OR4P4: variants seen among roughly 807,000 people sequenced by gnomAD.
The protein encoded by OR4P4 is olfactory receptor 4P4.
A neutral mutation model predicts 2.1 loss-of-function variants in OR4P4; 1 was observed. The ratio of observed to expected loss-of-function variants is 0.47; its 90% CI spans 0.17 to 2.21. The LOEUF (loss-of-function observed/expected upper bound fraction) is 2.21, where lower values mean the gene tolerates loss of function less well. Among genes scored for constraint, OR4P4 ranks in the 30% most tolerant of loss-of-function variants. OR4P4 has a pLI of 0.27. For synonymous variants in OR4P4, 129 were observed against 133.2 expected, an observed-to-expected ratio of 0.97 and a Z score of 0.22; for missense variants, 375 against 376.5, an observed-to-expected ratio of 1.00 and a Z score of 0.03.
At chr11:55,635,358 A>T (rs1428544608) in intron 1 of OR4P4, 142 bp downstream of exon 1, 2 of 137,914 alleles carry the variant, frequency 1.5e-5, no homozygotes, top group Non-Finnish European at 3.2e-5. Flanking sequence ...ACCTTCAGAA[A>T]TCACTTGGTT....
intron 1 of OR4P4, among the ~76,000 whole-genome samples, chr11:55,635,448 G>A (rs1445176693): frequency 7.3e-6 from 1 of 136,820 alleles, no homozygotes; most frequent in Non-Finnish European, 1.6e-5. Context: ...TTATGGGGTG[G>A]CCTCCCATCA....
exon 2 of OR4P4, chr11:55,639,409 C>T (rs1858433029): frequency 1.7e-6 from 1 of 597,258 alleles, no homozygotes; most frequent in African/African-American, 1.9e-5. Context: ...AAGCATATCC[C>T]TTCTGTGGTT....
rs80300905 is a variant in OR4P4, at chr11:55,636,702, A to G, written c.-31+1486A>G. ...GCTCTAGAATCCTAATGTAATTTTCATGTGTTTTCCTTGTGATATATTGAT... is the reference window on the plus strand; with the variant it reads ...GCTCTAGAATCCTAATGTAATTTTCGTGTGTTTTCCTTGTGATATATTGAT... On this transcript the variant is annotated intron_variant, in intron 1 of 1. Transcript: ENST00000641760. 3.2e-3 allele frequency among the ~76,000 whole-genome samples: 441 copies of G among 137,544 alleles called. 96 individuals carry two copies. Among genetic ancestry groups the G allele is most frequent in the Non-Finnish European group, 5.1e-3 (312 of 61,628 alleles). 90.2% of individuals were successfully genotyped at this position (137,544 alleles called of 152,430 possible).
chr11:55,638,748 A>C, exon 2 of OR4P4: 1 of 1,492,486 alleles, frequency 6.7e-7, no homozygotes, highest in Non-Finnish European at 9.1e-7. Flanking sequence ...CCTGCACTAC[A>C]CCATTATTAT....
intron 1 of OR4P4, among the ~76,000 whole-genome samples, chr11:55,636,415 C>A (rs1424120085): frequency 7.3e-6 from 1 of 137,854 alleles, no homozygotes; most frequent in Non-Finnish European, 1.6e-5. Flanking sequence ...AGACATTTTC[C>A]ATTTAAGTAT....
At position 55,639,431 on chromosome 11, in the gene OR4P4, C is replaced by T. The variant is rs1229519852; in HGVS notation, c.*135C>T. On this transcript the variant is annotated 3_prime_UTR_variant, in exon 2 of 2. Transcript: ENST00000641760. ...TCCCTTCTGTGGTTTTATACTTCTA[C>T]ATTGACATCTCTTTAACAAATTGAA... 5.6e-6 allele frequency: 3 copies of T among 535,768 alleles called. 1 individual carries two copies. The East Asian group carries it at 9.9e-5, about 18-fold the overall frequency. The allele number at this position is 535,768 out of a possible 1,614,324, so 33.2% of individuals were successfully genotyped here.
chr11:55,639,365 C>A, exon 2 of OR4P4: 1 of 889,696 alleles, frequency 1.1e-6, no homozygotes, highest in Non-Finnish European at 1.6e-6. Flanking sequence ...TTGCTCTTGT[C>A]CTTAATGTTT....
chr11:55,638,970 G>A, exon 2 of OR4P4: 2 of 1,487,124 alleles, frequency 1.3e-6, no homozygotes, highest in Non-Finnish European at 1.8e-6. Flanking sequence ...AGGCTTAATT[G>A]CTTTGGTGAC....
Position 55,639,119 on chromosome 11 carries a change from C to T in OR4P4, c.762C>T (p.Phe254=), listed in dbSNP as rs140972692. 4.0e-5 allele frequency: 59 copies of T among 1,493,412 alleles called. 16 individuals are homozygous for T. The highest frequency in any genetic ancestry group is 1.9e-4 in the Middle Eastern group (1 of 5,318). 92.5% of individuals were successfully genotyped at this position (1,493,412 alleles called of 1,614,324 possible). ...TCCTGTTTTTTGCACCTGCATTGTT[C>T]ATTTACATTAGACCGGTCACAACAT... The change falls in exon 2 of 2, where the codon TTC becomes TTT. Residue 254 remains phenylalanine, a synonymous_variant. Transcript: ENST00000641760.
Position 55,637,865 on chromosome 11 carries a change from T to C in OR4P4, c.-30-463T>C, listed in dbSNP as rs145723732. Among the ~76,000 whole-genome samples the C allele has an allele frequency of 5.0e-3, 690 of 138,574 alleles. 73 individuals are homozygous for C. The highest frequency in any genetic ancestry group is 0.016 in the African/African-American group (659 of 40,140). The allele number at this position is 138,574 out of a possible 152,430, so 90.9% of individuals were successfully genotyped here. ...TATGCAATCAAATCCCATTTGTTGA[T>C]ATCAATATTGCTAATGCTTAGTGCT... On this transcript the variant is annotated intron_variant, in intron 1 of 1. Transcript: ENST00000641760.
intron 1 of OR4P4, among the ~76,000 whole-genome samples, chr11:55,637,019 A>C (rs1858396344): frequency 7.2e-6 from 1 of 138,244 alleles, no homozygotes; most frequent in Non-Finnish European, 1.6e-5. Flanking sequence ...GTAGTAGTTA[A>C]ACATGGTGGT....
At chr11:55,635,395 T>C (rs1451557918) in intron 1 of OR4P4, among the ~76,000 whole-genome samples, 179 bp downstream of exon 1, 1 of 138,012 alleles carries the variant, frequency 7.2e-6, no homozygotes, top group Admixed American at 7.9e-5. Flanking sequence ...TTGAGTAGTT[T>C]TTGAAAACAA....
chr11:55,638,624 C>A, exon 2 of OR4P4: 1 of 1,489,716 alleles, frequency 6.7e-7, no homozygotes, highest in Non-Finnish European at 9.1e-7. Context: ...AAAGAAAGAC[C>A]ATTTCCTATA....
At chr11:55,637,714 T>C in intron 1 of OR4P4, among the ~76,000 whole-genome samples, 1 of 137,956 alleles carries the variant, frequency 7.2e-6, no homozygotes, top group East Asian at 2.3e-4. Context: ...TTAAAATATT[T>C]TGATGTAATA....
chr11:55,638,870 G>A (rs759611709), exon 2 of OR4P4: 1 of 1,493,810 alleles, frequency 6.7e-7, no homozygotes, highest in South Asian at 1.2e-5. Context: ...GCCCAAATGA[G>A]ATAGATCACT....
chr11:55,636,363 A>C (rs1452098146), intron 1 of OR4P4, among the ~76,000 whole-genome samples: 1 of 138,174 alleles, frequency 7.2e-6, no homozygotes, highest in African/African-American at 2.5e-5. Flanking sequence ...TTGTGTTTTT[A>C]ATAAATACTT....
chr11:55,639,289 T>A, exon 2 of OR4P4: 1 of 1,405,900 alleles, frequency 7.1e-7, no homozygotes, highest in Non-Finnish European at 9.6e-7. Context: ...AGAAATCAAC[T>A]TTTCTGAATT....
At position 55,639,000 on chromosome 11, in the gene OR4P4, T is replaced by C. The variant is rs1260058655; in HGVS notation, c.643T>C (p.Ser215Pro). Residue 215 changes from serine to proline, a missense_variant, in exon 2 of 2, where the codon TCT becomes CCT. By Grantham distance (74) the Ser-to-Pro change is moderately conservative. Coordinates refer to ENST00000641760, the Ensembl canonical transcript of OR4P4. ...GGTGACATTTGTTGTCTTGTTGTTGTCTTATGTTTTTATATTGTATACCAT... is the reference window on the plus strand; with the variant it reads ...GGTGACATTTGTTGTCTTGTTGTTGCCTTATGTTTTTATATTGTATACCAT... The C allele has an allele frequency of 4.0e-6, 6 of 1,490,586 alleles. 1 individual carries two copies. In the African/African-American group the frequency reaches 5.5e-5, roughly 14 times the overall value. 92.3% of individuals were successfully genotyped at this position (1,490,586 alleles called of 1,614,324 possible).
intron 1 of OR4P4, among the ~76,000 whole-genome samples, chr11:55,637,282 G>T (rs1351874072): frequency 2.2e-5 from 3 of 137,846 alleles, no homozygotes; most frequent in African/African-American, 7.5e-5. Flanking sequence ...TATTTCAGGT[G>T]GGTTTTAAAT....
Sources: allele counts gnomAD v4.1 joint callset (sites outside exome capture counted in the v4.1 genomes callset), GRCh38; gene constraint gnomAD v4.1.1; transcripts MANE v1.5; gene names NCBI Gene and HGNC (gene_info 2026-07-23, HGNC 2026-07-21).